The following KIAA2012 variants were observed in gnomAD, a reference collection of about 807,000 sequenced individuals.
KIAA2012 encodes KIAA2012.
KIAA2012 carries 125 observed loss-of-function variants against 150.6 expected under a neutral mutation model. That is an observed-to-expected ratio of 0.83 (90% CI 0.72 to 0.96). The LOEUF is 0.96. Among genes scored for constraint, KIAA2012 ranks in the 40% least tolerant of loss-of-function variants. The pLI is 0.00. For synonymous variants in KIAA2012, 462 were observed against 504.7 expected, an observed-to-expected ratio of 0.92 and a Z score of 1.13; for missense variants, 1,219 against 1,354.9, an observed-to-expected ratio of 0.90 and a Z score of 1.57.
chr2:202,196,363 T>C (rs60182299), intron 21 of KIAA2012, among the ~76,000 whole-genome samples: 13,225 of 151,292 alleles, frequency 0.087, 1,901 homozygotes, highest in African/African-American at 0.3. Context: ...CCCCGCTAAT[T>C]TTTTTGTGAT....
chr2:202,122,232 C>T (rs1423562411), intron 11 of KIAA2012, among the ~76,000 whole-genome samples: 1 of 152,176 alleles, frequency 6.6e-6, no homozygotes, highest in African/African-American at 2.4e-5. Context: ...TGCAACCCAA[C>T]ACGTGAGCTA....
intron 10 of KIAA2012, among the ~76,000 whole-genome samples, chr2:202,110,328 C>T: frequency 6.6e-6 from 1 of 152,190 alleles, no homozygotes; most frequent in East Asian, 1.9e-4. Context: ...AAGGAGGGGA[C>T]TAAGATGCTT....
chr2:202,203,741 T>C (rs1284334019), intron 23 of KIAA2012, among the ~76,000 whole-genome samples: 1 of 151,782 alleles, frequency 6.6e-6, no homozygotes, highest in Non-Finnish European at 1.5e-5. Context: ...TTTCCCCAGT[T>C]GAAAAAATTA....
At chr2:202,193,612 A>G in intron 20 of KIAA2012, 109 bp downstream of exon 20, 2 of 1,071,340 alleles carry the variant, frequency 1.9e-6, no homozygotes, top group Non-Finnish European at 2.7e-6. Context: ...CATGCCCTGA[A>G]GTTAAAATAG....
At chr2:202,185,747 AAG>A (rs1412783742) in intron 16 of KIAA2012, among the ~76,000 whole-genome samples, 1 of 152,162 alleles carries the variant, frequency 6.6e-6, no homozygotes, top group African/African-American at 2.4e-5. Context: ...GAAAAAAAAA[AAG>A]AGCAAAACAA....
intron 13 of KIAA2012, among the ~76,000 whole-genome samples, chr2:202,143,140 A>C (rs1380540145): frequency 6.8e-6 from 1 of 147,684 alleles, no homozygotes; most frequent in Non-Finnish European, 1.5e-5. Flanking sequence ...GCTGGAATGC[A>C]ATGGCACAAA....
chr2:202,093,806 A>G (rs1689795321), intron 4 of KIAA2012, among the ~76,000 whole-genome samples: 1 of 152,204 alleles, frequency 6.6e-6, no homozygotes, highest in South Asian at 2.1e-4. Flanking sequence ...TAAACTGTTT[A>G]GTATTATGGG....
In KIAA2012 at chr2:202,204,081, T is replaced by G. The variant is rs1423012379; in HGVS notation, c.*21-917T>G. The stretch of plus-strand genomic sequence containing the variant: ...ACCGCACCCAGCGGTTTTTTGTTTT[T>G]TTTTTTTTTTTTTAAGACAGGGTCT... On this transcript the variant is annotated intron_variant, in intron 23 of 23. Transcript: ENST00000498697. 1.5e-4 allele frequency among the ~76,000 whole-genome samples: 22 copies of G among 150,588 alleles called. No individual in the cohort carries two copies. In the East Asian group the frequency reaches 2.9e-3, roughly 20 times the overall value.
At chr2:202,179,476 T>G in intron 15 of KIAA2012, 2 of 708,246 alleles carry the variant, frequency 2.8e-6, no homozygotes, top group Non-Finnish European at 5.3e-6. Context: ...ATGAGCGAAG[T>G]GTAGACAAAG....
chr2:202,187,587 G>T (rs185206180), intron 17 of KIAA2012, among the ~76,000 whole-genome samples: 1 of 152,128 alleles, frequency 6.6e-6, no homozygotes, highest in East Asian at 1.9e-4. Flanking sequence ...GATTACAGGC[G>T]TGAGCCACTG....
chr2:202,121,681 A>C (rs932062930), intron 11 of KIAA2012, among the ~76,000 whole-genome samples: 1 of 152,202 alleles, frequency 6.6e-6, no homozygotes, highest in Non-Finnish European at 1.5e-5. Flanking sequence ...TGGTAAGGGC[A>C]GAGCTGGGCT....
rs781432048 is a variant in KIAA2012, at chr2:202,103,158, T to TG, written c.1324+50dup. 8 of 1,533,826 alleles carry TG rather than the reference T, an allele frequency of 5.2e-6. No individual in the cohort carries two copies. In the East Asian group the frequency reaches 7.4e-5, roughly 14 times the overall value. On this transcript the variant is annotated intron_variant, in intron 8 of 23. Coordinates refer to ENST00000498697, the MANE Select transcript of KIAA2012 (RefSeq NM_001277372.4). ...GGCACTCCTGAGGGAGAGCCTGGGA[T>TG]GGGGGGTCCTGCCACTTCTACATGC...
intron 15 of KIAA2012, among the ~76,000 whole-genome samples, chr2:202,184,383 CAAAA>C (rs5837809): frequency 2.5e-5 from 3 of 119,218 alleles, no homozygotes; most frequent in Admixed American, 8.5e-5. Context: ...GACTCCGTCT[CAAAA>C]AAAAAAAAAA....
Position 202,073,391 on chromosome 2 carries a change from G to C in KIAA2012, c.-237G>C. On this transcript the variant is annotated 5_prime_UTR_variant, in exon 1 of 24. The change abolishes the stop of an existing upstream ORF in the 5' untranslated region. Transcript: ENST00000498697. The stretch of plus-strand genomic sequence containing the variant: ...CCAGAGAGTAGACAATCCAGGGCTT[G>C]AGGAGGCTGGCTGTGCGGTTTATTT... 2.2e-6 allele frequency: 1 copy of C among 459,856 alleles called. No individual in the cohort carries two copies. Among genetic ancestry groups the C allele is most frequent in the Non-Finnish European group, 3.9e-6 (1 of 254,608 alleles). 28.5% of individuals were successfully genotyped at this position (459,856 alleles called of 1,614,324 possible).
intron 13 of KIAA2012, among the ~76,000 whole-genome samples, chr2:202,151,222 C>T (rs2105950638): frequency 6.6e-6 from 1 of 152,058 alleles, no homozygotes; most frequent in South Asian, 2.1e-4. Flanking sequence ...CATAGCAAAA[C>T]CCCATCTCTA....
chr2:202,079,457 C>T (rs528940500), intron 2 of KIAA2012, among the ~76,000 whole-genome samples: 60 of 152,338 alleles, frequency 3.9e-4, no homozygotes, highest in Middle Eastern at 6.8e-3. Flanking sequence ...TCAGGCCCCA[C>T]CCAGACCTGT....
chr2:202,096,821 T>G (rs999940875), intron 4 of KIAA2012, among the ~76,000 whole-genome samples: 4 of 152,196 alleles, frequency 2.6e-5, no homozygotes, highest in Non-Finnish European at 4.4e-5. Context: ...CAGGACCCCT[T>G]AAACCATTGA....
At chr2:202,165,500 T>A in intron 15 of KIAA2012, 144 bp downstream of exon 15, 1 of 716,492 alleles carries the variant, frequency 1.4e-6, no homozygotes. Context: ...GGCGGGTGGA[T>A]CACCTGAGGC....
At chr2:202,122,081 G>A (rs1456318291) in intron 11 of KIAA2012, among the ~76,000 whole-genome samples, 1 of 152,226 alleles carries the variant, frequency 6.6e-6, no homozygotes, top group Non-Finnish European at 1.5e-5. Context: ...ACTGTGGAGG[G>A]GCTTCATGCT....
Sources: gnomAD v4.1 joint callset for allele counts (sites outside exome capture counted in the v4.1 genomes callset) on GRCh38, gnomAD v4.1.1 for gene constraint, MANE v1.5 for transcripts, NCBI Gene and HGNC (gene_info 2026-07-23, HGNC 2026-07-21) for gene names.